PGM2: variants seen among roughly 807,000 people sequenced by gnomAD.
PGM2 encodes the protein phosphopentomutase.
In PGM2, 57 loss-of-function variants were observed where a neutral mutation model predicts 74.6. That is an observed-to-expected ratio of 0.76 (90% CI 0.62 to 0.95). The LOEUF is 0.95. Among genes scored for constraint, PGM2 ranks in the 40% least tolerant of loss-of-function variants. PGM2 has a pLI of 0.00. For synonymous variants in PGM2, 273 were observed against 260.7 expected (o/e 1.05, Z -0.46); for missense variants, 706 against 741.9 (o/e 0.95, Z 0.56).
chr4:37,827,720 C>T (rs1022831917), intron 1 of PGM2, among the ~76,000 whole-genome samples: 3 of 152,076 alleles, frequency 2.0e-5, no homozygotes, highest in Non-Finnish European at 2.9e-5. Flanking sequence ...ACTCCAAAAA[C>T]ACTTGTTTGT....
chr4:37,831,314 G>C (rs1172800477), intron 2 of PGM2, among the ~76,000 whole-genome samples: 2 of 152,050 alleles, frequency 1.3e-5, no homozygotes, highest in Non-Finnish European at 2.9e-5. Flanking sequence ...TGGGAATCCT[G>C]TTTGGTTCAT....
chr4:37,851,950 A>G (rs1345137636), intron 12 of PGM2, among the ~76,000 whole-genome samples: 1 of 104,458 alleles, frequency 9.6e-6, no homozygotes, highest in Non-Finnish European at 2.3e-5. Flanking sequence ...TATTTCCTGT[A>G]CCTTTTGTTT....
chr4:37,848,791 T>G (rs1184206464), intron 11 of PGM2, 140 bp downstream of exon 11: 1 of 674,416 alleles, frequency 1.5e-6, no homozygotes. Context: ...TAAATAAGGC[T>G]GGGCACAGTG....
chr4:37,843,601 ATTAT>A (rs965699252), intron 6 of PGM2, among the ~76,000 whole-genome samples: 7 of 147,490 alleles, frequency 4.7e-5, no homozygotes, highest in Non-Finnish European at 1.0e-4. Context: ...TTATTTATTT[ATTAT>A]TATTATTTTT....
At chr4:37,850,990 C>CAA (rs34801450) in intron 12 of PGM2, among the ~76,000 whole-genome samples, 26,459 of 106,886 alleles carry the variant, frequency 0.25, 4,628 homozygotes, top group African/African-American at 0.46. Context: ...GACTTCATCT[C>CAA]AAAAAAAAAA....
At chr4:37,861,339 C>G (rs558482509) in intron 13 of PGM2, among the ~76,000 whole-genome samples, 171 bp from the exon 14 acceptor site, 1 of 152,244 alleles carries the variant, frequency 6.6e-6, no homozygotes, top group East Asian at 1.9e-4. Context: ...GGTGTTTTGT[C>G]TAAGTCAATA....
intron 3 of PGM2, among the ~76,000 whole-genome samples, chr4:37,836,883 A>G (rs75060789): frequency 1.3e-5 from 1 of 78,140 alleles, no homozygotes; most frequent in East Asian, 4.0e-4. Flanking sequence ...GTGTGTGTGT[A>G]TACACACATG....
chr4:37,856,333 C>G (rs1298673691), intron 13 of PGM2, among the ~76,000 whole-genome samples: 1 of 151,992 alleles, frequency 6.6e-6, no homozygotes, highest in African/African-American at 2.4e-5. Flanking sequence ...TGCAGTGAGC[C>G]GAGACTGCGC....
intron 11 of PGM2, among the ~76,000 whole-genome samples, chr4:37,849,743 T>A (rs2152179812): frequency 6.6e-6 from 1 of 151,920 alleles, no homozygotes; most frequent in South Asian, 2.1e-4. Context: ...TAAAAATTAT[T>A]CCTTTGGCGT....
In PGM2 at chr4:37,855,590, G is replaced by A. The variant is rs758468493; in HGVS notation, c.1603-18G>A. On this transcript the variant is annotated intron_variant, in intron 12 of 13. Transcript: ENST00000381967. ...GAATGTTACTATTTAAATTTATAAT[G>A]TGTGCATTAATTCCTAGGTTCTTCC... 1 of 1,608,056 alleles carries A rather than the reference G, an allele frequency of 6.2e-7. No homozygotes were observed. The highest frequency in any genetic ancestry group is 1.7e-5 in the Admixed American group (1 of 58,882).
intron 2 of PGM2, among the ~76,000 whole-genome samples, chr4:37,831,860 C>T (rs1367680601): frequency 2.0e-5 from 3 of 152,190 alleles, no homozygotes; most frequent in Non-Finnish European, 4.4e-5. Flanking sequence ...GTAAGAGGAA[C>T]ATGTGAGATG....
At chr4:37,851,215 CAG>C (rs1381162739) in intron 12 of PGM2, among the ~76,000 whole-genome samples, 9 of 152,174 alleles carry the variant, frequency 5.9e-5, no homozygotes, top group Admixed American at 5.2e-4. Flanking sequence ...GCTGGGGAAA[CAG>C]AGTGCTGGAG....
intron 8 of PGM2, 64 bp from the exon 9 acceptor site, chr4:37,846,867 C>T: frequency 7.7e-7 from 1 of 1,295,122 alleles, no homozygotes; most frequent in Non-Finnish European, 1.1e-6. Context: ...ATCCCCATGA[C>T]ACTTTAGAGT....
chr4:37,839,233 C>T (rs552975652), intron 4 of PGM2, among the ~76,000 whole-genome samples: 22 of 151,216 alleles, frequency 1.5e-4, no homozygotes, highest in African/African-American at 4.4e-4. Context: ...ATTCTTCTGC[C>T]TCAGCCTCCC....
intron 2 of PGM2, among the ~76,000 whole-genome samples, chr4:37,830,934 C>G (rs1021678997): frequency 6.6e-6 from 1 of 152,118 alleles, no homozygotes; most frequent in Admixed American, 6.5e-5. Context: ...TGGCTCACAC[C>G]TGTAATCCCA....
At chr4:37,827,966 G>A (rs559500356) in intron 1 of PGM2, among the ~76,000 whole-genome samples, 3 of 152,294 alleles carry the variant, frequency 2.0e-5, no homozygotes, top group Admixed American at 1.3e-4. Flanking sequence ...CCTGGCATAG[G>A]CATAGTGCAT....
intron 13 of PGM2, among the ~76,000 whole-genome samples, chr4:37,855,973 TC>T (rs984848547): frequency 1.3e-5 from 2 of 152,250 alleles, no homozygotes; most frequent in Non-Finnish European, 2.9e-5. Flanking sequence ...GAAAATTTTA[TC>T]CTTATTTCAG....
chr4:37,844,478 T>G lies in PGM2; in HGVS notation c.834T>G (p.Val278=). 1 of 1,613,810 alleles carries G rather than the reference T, an allele frequency of 6.2e-7. No individual in the cohort carries two copies. Among genetic ancestry groups the G allele is most frequent in the Non-Finnish European group, 8.5e-7 (1 of 1,179,704 alleles). ...KAFDLVPPEA[V]PEQKDPDPEF... ...TTGACCTTGTTCCTCCTGAGGCTGT[T>G]CCTGAACAGAAAGATCCGGATCCTG... Residue 278 remains valine, a synonymous_variant, in exon 7 of 14, where the codon GTT becomes GTG. Coordinates refer to ENST00000381967, the MANE Select transcript of PGM2 (RefSeq NM_018290.4).
intron 2 of PGM2, among the ~76,000 whole-genome samples, chr4:37,830,503 C>T (rs956093722): frequency 2.0e-5 from 3 of 152,216 alleles, no homozygotes; most frequent in African/African-American, 7.2e-5. Context: ...GATTACATAG[C>T]AAGTGCTAAA....
Sources: allele counts gnomAD v4.1 joint callset (sites outside exome capture counted in the v4.1 genomes callset), GRCh38; gene constraint gnomAD v4.1.1; transcripts MANE v1.5; gene names NCBI Gene and HGNC (gene_info 2026-07-23, HGNC 2026-07-21).